The following ZNF329 variants were observed in gnomAD, a reference collection of about 807,000 sequenced individuals.
ZNF329 encodes zinc finger protein 329.
A neutral mutation model predicts 26.6 loss-of-function variants in ZNF329; 15 were observed. The observed-to-expected ratio is 0.56, with a 90% CI of 0.38 to 0.87. ZNF329 has a LOEUF of 0.87. ZNF329 is among the 40% of genes least tolerant of loss of function. The probability of loss-of-function intolerance (pLI) is 0.00; values close to 1 mark genes in which losing one functional copy is unlikely to be tolerated. For missense variants in ZNF329, 651 were observed against 651.9 expected (o/e 1.00, Z 0.02); for synonymous variants, 239 against 233.5 (o/e 1.02, Z -0.21).
At chr19:58,132,166 A>G (rs1184559650) in intron 3 of ZNF329, 1 of 152,258 alleles carries the variant, frequency 6.6e-6, no homozygotes, top group Non-Finnish European at 1.5e-5. Flanking sequence ...AATAAAATGA[A>G]GTACAATAAT....
upstream of ZNF329, among the ~76,000 whole-genome samples, chr19:58,152,362 T>C (rs1027206258): frequency 1.3e-5 from 2 of 150,172 alleles, no homozygotes; most frequent in African/African-American, 4.9e-5. Flanking sequence ...AAACCCCATC[T>C]CTAAAAATAT....
chr19:58,150,026 C>T (rs2075413801), intron 1 of ZNF329, among the ~76,000 whole-genome samples: 1 of 152,100 alleles, frequency 6.6e-6, no homozygotes, highest in Admixed American at 6.6e-5. Flanking sequence ...GTTCAGCAGA[C>T]GTTAACCGGG....
At chr19:58,146,708 G>A (rs1353848705) in intron 1 of ZNF329, among the ~76,000 whole-genome samples, 10 of 151,844 alleles carry the variant, frequency 6.6e-5, no homozygotes, top group East Asian at 5.8e-4. Flanking sequence ...GCGCCGCCAC[G>A]CCTGACTGGT....
rs138279171 is a variant in ZNF329, at chr19:58,141,287, C to T, written c.-9+1270G>A. ...CTGGGATTACAGTTGTGAGCCACCA[C>T]GCCTGGCTTAACACTCTTTTTTTTT... On this transcript the variant is annotated intron_variant, in intron 3 of 3. Coordinates refer to ENST00000598312, the MANE Select transcript of ZNF329 (RefSeq NM_024620.4). 1.9e-3 allele frequency among the ~76,000 whole-genome samples: 281 copies of T among 151,878 alleles called. 2 individuals carry two copies. Among genetic ancestry groups the T allele is most frequent in the South Asian group, 2.9e-3 (14 of 4,804 alleles).
rs191948577 is a variant in ZNF329 at position 58,144,463 on chromosome 19, C to T, written c.-207-1265G>A. 3.3e-3 allele frequency among the ~76,000 whole-genome samples: 498 copies of T among 151,816 alleles called. 2 individuals are homozygous for T. Among genetic ancestry groups the T allele is most frequent in the African/African-American group, 0.012 (486 of 41,380 alleles). ...AGTGCAGTGGCGCGATCTCGGCTCACTGCAACCTCCGCTTCCTGGGTTCAA... is the reference window on the plus strand; with the variant it reads ...AGTGCAGTGGCGCGATCTCGGCTCATTGCAACCTCCGCTTCCTGGGTTCAA... On this transcript the variant is annotated intron_variant, in intron 1 of 3. Transcript: ENST00000598312.
rs147466207 is a variant in ZNF329, at chr19:58,141,662, C to A, written c.-9+895G>T. 1.0e-3 allele frequency among the ~76,000 whole-genome samples: 158 copies of A among 152,164 alleles called. 1 individual carries two copies. The highest frequency in any genetic ancestry group is 3.7e-3 in the African/African-American group (154 of 41,560). On this transcript the variant is annotated intron_variant, in intron 3 of 3. Coordinates refer to ENST00000598312, the MANE Select transcript of ZNF329 (RefSeq NM_024620.4). ...ATCCCAGCACTTTGGGTGGCTGAGG[C>A]AGGTGGATCATTTGAGCTCAGGAAT... is the stretch of plus-strand genomic sequence containing the variant.
At chr19:58,144,838 A>C (rs114570379) in intron 1 of ZNF329, among the ~76,000 whole-genome samples, 5,362 of 139,140 alleles carry the variant, frequency 0.039, 349 homozygotes, top group African/African-American at 0.13. Context: ...TCACACCTGG[A>C]TAATTTTTTT....
At chr19:58,134,467 G>A (rs768697140) in intron 3 of ZNF329, among the ~76,000 whole-genome samples, 4 of 152,204 alleles carry the variant, frequency 2.6e-5, no homozygotes, top group East Asian at 1.9e-4. Context: ...GCATTAGACT[G>A]TATTAAAAAA....
Position 58,128,229 on chromosome 19 carries a change from C to A in ZNF329, c.1275G>T (p.Lys425Asn). 1.3e-6 allele frequency: 2 copies of A among 1,593,460 alleles called. No individual in the cohort carries two copies. Among genetic ancestry groups the A allele is most frequent in the East Asian group, 2.2e-5 (1 of 44,768 alleles). Residue 425 changes from lysine (K) to asparagine (N), a missense_variant, in exon 4 of 4, where the codon AAG (lysine) becomes AAT (asparagine). Coordinates refer to ENST00000598312, the MANE Select transcript of ZNF329 (RefSeq NM_024620.4). ...IRHQRIHTGEKPYGCNQCQKL... is the reference protein window; with the variant it reads ...IRHQRIHTGENPYGCNQCQKL... ...TCTGACACTGGTTGCAGCCATAGGG[C>A]TTCTCGCCAGTATGAATCCTCTGAT...
At chr19:58,137,065 A>G (rs2075087358) in intron 3 of ZNF329, 2 of 164,734 alleles carry the variant, frequency 1.2e-5, no homozygotes, top group African/African-American at 4.8e-5. Flanking sequence ...AGATAAAAAA[A>G]AAAAAAAAAC....
chr19:58,141,444 A>G (rs1007261766), intron 3 of ZNF329, among the ~76,000 whole-genome samples: 1 of 152,038 alleles, frequency 6.6e-6, no homozygotes, highest in African/African-American at 2.4e-5. Context: ...GATTACAGGC[A>G]TGTGCCACCA....
rs1568672220 is a variant in ZNF329, at chr19:58,144,387, TA to T, written c.-207-1190del. 9.0e-3 allele frequency among the ~76,000 whole-genome samples: 954 copies of T among 105,824 alleles called. 16 individuals carry two copies. Among genetic ancestry groups the T allele is most frequent in the African/African-American group, 0.032 (890 of 27,894 alleles). 69.4% of individuals were successfully genotyped at this position (105,824 alleles called of 152,430 possible). On this transcript the variant is annotated intron_variant, in intron 1 of 3. Coordinates refer to ENST00000598312, the MANE Select transcript of ZNF329 (RefSeq NM_024620.4). ...ATCTATCTATCTATCTATCTATATA[TA>T]TATATATATTTTTTTTTTGAGACGG...
intron 3 of ZNF329, among the ~76,000 whole-genome samples, chr19:58,137,981 T>C (rs1052014210): frequency 6.6e-6 from 1 of 151,946 alleles, no homozygotes; most frequent in Non-Finnish European, 1.5e-5. Context: ...CCTGTCTCAA[T>C]AAATAAATAA....
Position 58,128,047 on chromosome 19 carries a change from G to T in ZNF329, c.1457C>A (p.Pro486Gln). 1.2e-6 allele frequency: 2 copies of T among 1,613,750 alleles called. No individual in the cohort carries two copies. The highest frequency in any genetic ancestry group is 1.7e-6 in the Non-Finnish European group (2 of 1,179,882). Reference sequence around the variant, plus strand: ...CTGCTTGAAGGACTTCCCACATTCTGGACACTGATATGGGGTCTCCTTAGT... The same window carrying T: ...CTGCTTGAAGGACTTCCCACATTCTTGACACTGATATGGGGTCTCCTTAGT... The part of the protein sequence containing the change: ...IHTKETPYQC[P>Q]ECGKSFKQNS... Residue 486 changes from proline to glutamine, a missense_variant, in exon 4 of 4, where the codon CCA becomes CAA. Coordinates refer to ENST00000598312, the MANE Select transcript of ZNF329 (RefSeq NM_024620.4).
chr19:58,145,407 C>T (rs1180639572), intron 1 of ZNF329, among the ~76,000 whole-genome samples: 4 of 150,620 alleles, frequency 2.7e-5, no homozygotes, highest in Non-Finnish European at 4.4e-5. Flanking sequence ...CTGCAACCTC[C>T]GCCTCCTGGG....
At chr19:58,137,546 T>C (rs543963143) in intron 3 of ZNF329, among the ~76,000 whole-genome samples, 43 of 132,114 alleles carry the variant, frequency 3.3e-4, no homozygotes, top group Admixed American at 2.3e-3. Flanking sequence ...AGAGCAAGAC[T>C]GCCTCAGGGG....
intron 3 of ZNF329, among the ~76,000 whole-genome samples, chr19:58,138,960 TA>T (rs1347109473): frequency 6.8e-6 from 1 of 148,100 alleles, no homozygotes; most frequent in Non-Finnish European, 1.5e-5. Flanking sequence ...TCTCAAAATT[TA>T]AAAAAAAGAA....
At chr19:58,144,198 G>A (rs1234881877) in intron 1 of ZNF329, among the ~76,000 whole-genome samples, 1 of 151,500 alleles carries the variant, frequency 6.6e-6, no homozygotes, top group South Asian at 2.1e-4. Flanking sequence ...TTTTTCAGAT[G>A]GAGTCTTGCT....
chr19:58,145,426 A>G (rs2075287563), intron 1 of ZNF329, among the ~76,000 whole-genome samples: 1 of 140,610 alleles, frequency 7.1e-6, no homozygotes, highest in Non-Finnish European at 1.5e-5. Context: ...GGTTTAAGTG[A>G]TTCTCCTGCC....
Sources: allele counts gnomAD v4.1 joint callset (sites outside exome capture counted in the v4.1 genomes callset), GRCh38; gene constraint gnomAD v4.1.1; transcripts MANE v1.5; gene names NCBI Gene and HGNC (gene_info 2026-07-23, HGNC 2026-07-21).